ANKS1B: variants seen among roughly 807,000 people sequenced by gnomAD.
ANKS1B encodes ankyrin repeat and sterile alpha motif domain containing 1B.
ANKS1B carries 36 observed loss-of-function variants against 148.3 expected under a neutral mutation model. The observed-to-expected ratio is 0.24, with a 90% CI of 0.19 to 0.32. The LOEUF (loss-of-function observed/expected upper bound fraction) is 0.32, where lower values mean the gene tolerates loss of function less well. ANKS1B is among the 10% of genes least tolerant of loss of function. ANKS1B has a pLI of 1.00. For synonymous variants in ANKS1B, 542 were observed against 560.8 expected (o/e 0.97, Z 0.47); for missense variants, 1,157 against 1,542.6 (o/e 0.75, Z 4.19).
intron 8 of ANKS1B, 64 bp from the exon 9 acceptor site, chr12:99,655,274 A>G (rs2098444525): frequency 7.3e-7 from 1 of 1,366,230 alleles, no homozygotes; most frequent in Non-Finnish European, 9.9e-7. Flanking sequence ...CTTAACATCA[A>G]TTAAATTCTA....
intron 1 of ANKS1B, among the ~76,000 whole-genome samples, chr12:99,858,230 TAAAC>T (rs1403649727): frequency 6.6e-6 from 1 of 151,990 alleles, no homozygotes; most frequent in African/African-American, 2.4e-5. Context: ...GCTAAGGACA[TAAAC>T]AGACAATTCT....
chr12:99,664,338 T>A lies in ANKS1B; in HGVS notation c.1129-9128A>T, dbSNP rs896582697. Among the ~76,000 whole-genome samples, 7 of 152,070 alleles carry A rather than the reference T, an allele frequency of 4.6e-5. No homozygotes were observed. The South Asian group carries it at 1.4e-3, about 31-fold the overall frequency. On this transcript the variant is annotated intron_variant, in intron 8 of 26. Transcript: ENST00000683438. Reference sequence around the variant, plus strand: ...ACCTAACATGAACCCATTTTATATATTTATTTTTTGTATTGGTACAAATCT... The same window carrying A: ...ACCTAACATGAACCCATTTTATATAATTATTTTTTGTATTGGTACAAATCT...
At chr12:99,630,925 A>G (rs2098153110) in intron 9 of ANKS1B, among the ~76,000 whole-genome samples, 1 of 152,106 alleles carries the variant, frequency 6.6e-6, no homozygotes, top group Non-Finnish European at 1.5e-5. Context: ...ACCCAGTGGG[A>G]GGTAATTGAA....
intron 12 of ANKS1B, among the ~76,000 whole-genome samples, chr12:99,291,722 A>G (rs973267101): frequency 6.6e-6 from 1 of 151,970 alleles, no homozygotes; most frequent in African/African-American, 2.4e-5. Flanking sequence ...CCTATCTCTC[A>G]CCTTATAAAA....
chr12:98,936,349 C>A (rs2099818625), intron 17 of ANKS1B, among the ~76,000 whole-genome samples: 1 of 152,162 alleles, frequency 6.6e-6, no homozygotes, highest in Admixed American at 6.5e-5. Context: ...AACAATTTGG[C>A]TGGGCATGGT....
intron 12 of ANKS1B, among the ~76,000 whole-genome samples, chr12:99,280,218 A>G (rs2078232564): frequency 6.7e-6 from 1 of 150,026 alleles, no homozygotes; most frequent in African/African-American, 2.5e-5. Context: ...GAGAGAGAGA[A>G]AGAGAAAGAG....
intron 24 of ANKS1B, among the ~76,000 whole-genome samples, chr12:98,775,976 G>A (rs1357483324): frequency 6.6e-6 from 1 of 152,232 alleles, no homozygotes; most frequent in Non-Finnish European, 1.5e-5. Flanking sequence ...CCTAACTGGC[G>A]CTTAAAAGAT....
intron 17 of ANKS1B, among the ~76,000 whole-genome samples, chr12:98,947,508 C>A (rs1425248295): frequency 3.3e-5 from 5 of 152,206 alleles, no homozygotes; most frequent in Non-Finnish European, 5.9e-5. Context: ...CATTAACTCT[C>A]AAATTTACCT....
At chr12:99,395,189 T>C (rs1216591515) in intron 12 of ANKS1B, among the ~76,000 whole-genome samples, 2 of 152,142 alleles carry the variant, frequency 1.3e-5, no homozygotes, top group African/African-American at 4.8e-5. Context: ...CTTTCCTGCA[T>C]CCACCCTTGT....
chr12:99,934,143 C>A (rs906451936), intron 1 of ANKS1B, among the ~76,000 whole-genome samples: 11 of 152,022 alleles, frequency 7.2e-5, no homozygotes, highest in Admixed American at 3.3e-4. Flanking sequence ...GATAAATGAT[C>A]TTTTTGATGT....
intron 17 of ANKS1B, among the ~76,000 whole-genome samples, chr12:98,977,645 G>A (rs1475399041): frequency 6.6e-6 from 1 of 152,092 alleles, no homozygotes; most frequent in Non-Finnish European, 1.5e-5. Flanking sequence ...TCAACACATG[G>A]TTGTCACAGA....
intron 1 of ANKS1B, among the ~76,000 whole-genome samples, chr12:99,840,790 T>C (rs767002100): frequency 2.0e-5 from 3 of 152,116 alleles, no homozygotes; most frequent in Non-Finnish European, 4.4e-5. Flanking sequence ...ATAATATTCA[T>C]TCCATTTTTT....
chr12:98,743,379 C>T (rs192244211), downstream of ANKS1B, among the ~76,000 whole-genome samples: 1 of 152,214 alleles, frequency 6.6e-6, no homozygotes, highest in East Asian at 1.9e-4. Flanking sequence ...TAATAAGAAA[C>T]AATTAAATGG....
chr12:99,207,759 G>T (rs1446810900), intron 14 of ANKS1B, among the ~76,000 whole-genome samples: 1 of 151,974 alleles, frequency 6.6e-6, no homozygotes, highest in South Asian at 2.1e-4. Flanking sequence ...AAACTATGAG[G>T]TATGAAAGAT....
At chr12:98,904,024 T>C (rs188580234) in intron 17 of ANKS1B, among the ~76,000 whole-genome samples, 123 of 152,230 alleles carry the variant, frequency 8.1e-4, no homozygotes, top group Non-Finnish European at 1.4e-3. Context: ...AAAATATACA[T>C]TGTGATTTAA....
chr12:99,887,484 T>C (rs2092887812), intron 1 of ANKS1B, among the ~76,000 whole-genome samples: 1 of 152,224 alleles, frequency 6.6e-6, no homozygotes, highest in South Asian at 2.1e-4. Context: ...GTAGCTTGTA[T>C]TATATTTCCA....
chr12:98,829,414 A>G lies in ANKS1B; in HGVS notation c.2887-61T>C. On this transcript the variant is annotated intron_variant, in intron 18 of 26. Coordinates refer to ENST00000683438, the MANE Select transcript of ANKS1B (RefSeq NM_001352186.2). The surrounding 1 kb of genome is among the most constrained non-coding windows in gnomAD (Gnocchi z 5.2). ...TCTGTGGCTAACCTTTGGTTTCAAA[A>G]TTGTGAAATACTGACAAGACAAACT... 1 of 1,537,170 alleles carries G rather than the reference A, an allele frequency of 6.5e-7. No individual in the cohort carries two copies. The highest frequency in any genetic ancestry group is 8.8e-7 in the Non-Finnish European group (1 of 1,131,186).
At chr12:99,515,008 T>A (rs1453719001) in intron 9 of ANKS1B, among the ~76,000 whole-genome samples, 6 of 144,364 alleles carry the variant, frequency 4.2e-5, no homozygotes, top group African/African-American at 1.0e-4. Flanking sequence ...CTCTATCATT[T>A]AAAAAAAAAA....
chr12:99,501,949 C>T (rs560229749), intron 10 of ANKS1B, among the ~76,000 whole-genome samples: 4 of 151,972 alleles, frequency 2.6e-5, no homozygotes, highest in African/African-American at 2.4e-5. Context: ...TTTTCTATAT[C>T]GTATCCAGCA....
Sources: allele counts gnomAD v4.1 joint callset (sites outside exome capture counted in the v4.1 genomes callset), GRCh38; gene constraint gnomAD v4.1.1; non-coding constraint Gnocchi (gnomAD v3.1); transcripts MANE v1.5; gene names NCBI Gene and HGNC (gene_info 2026-07-23, HGNC 2026-07-21).